The following AGBL4 variants were observed in gnomAD, a reference collection of about 807,000 sequenced individuals.
The protein encoded by AGBL4 is AGBL carboxypeptidase 4.
In AGBL4, 58 loss-of-function variants were observed where a neutral mutation model predicts 66.4. The observed-to-expected ratio is 0.87, with a 90% CI of 0.71 to 1.09. AGBL4 has a LOEUF of 1.09. Among genes scored for constraint, AGBL4 ranks in the 50% least tolerant of loss-of-function variants. AGBL4 has a pLI of 0.00. For synonymous variants in AGBL4, 234 were observed against 222.9 expected (o/e 1.05, Z -0.44); for missense variants, 579 against 631.0 (o/e 0.92, Z 0.88).
intron 9 of AGBL4, among the ~76,000 whole-genome samples, chr1:48,600,312 A>T (rs1645055442): frequency 6.6e-6 from 1 of 152,170 alleles, no homozygotes; most frequent in African/African-American, 2.4e-5. Context: ...TCCTATCTGG[A>T]AGAGCTATGG....
rs146409368 is a variant in AGBL4 at position 48,554,561 on chromosome 1, T to G, written c.1268-14823A>C. ...GCCTAGGAAGTGTGTGATTATAAAC[T>G]TAAATCCCAATCTTTAGGACCCTCA... On this transcript the variant is annotated intron_variant, in intron 11 of 13. Coordinates refer to ENST00000371839, the MANE Select transcript of AGBL4 (RefSeq NM_032785.4). Among the ~76,000 whole-genome samples, 20 of 152,326 alleles carry G rather than the reference T, an allele frequency of 1.3e-4. No individual in the cohort carries two copies. The East Asian group carries it at 3.7e-3, about 28-fold the overall frequency.
chr1:49,023,175 C>T (rs1663377240), intron 5 of AGBL4, among the ~76,000 whole-genome samples: 1 of 152,096 alleles, frequency 6.6e-6, no homozygotes, highest in Non-Finnish European at 1.5e-5. Context: ...GGGCTCAGGC[C>T]ATCTTGGGAG....
At chr1:48,898,307 A>T (rs1476307219) in intron 5 of AGBL4, among the ~76,000 whole-genome samples, 1 of 152,052 alleles carries the variant, frequency 6.6e-6, no homozygotes, top group Non-Finnish European at 1.5e-5. Context: ...TTTTAGCTTA[A>T]TGTAATCTCA....
At position 48,759,479 on chromosome 1, in the gene AGBL4, T is replaced by A. The variant is rs1644138880; in HGVS notation, c.635-96238A>T. 2.1e-5 allele frequency: 24 copies of A among 1,131,544 alleles called. No individual in the cohort carries two copies. In the South Asian group the frequency reaches 3.9e-4, roughly 18 times the overall value. 70.1% of individuals were successfully genotyped at this position (1,131,544 alleles called of 1,614,324 possible). A position where few individuals can be genotyped will look rare whatever the true frequency, so the allele number is the denominator to read the frequency against. ...CATTTTATAAATTTTATAAATGGGG[T>A]TCCGAGTGGGGAAGGGGCTTGCCCA... On this transcript the variant is annotated intron_variant, in intron 6 of 13. Transcript: ENST00000371839.
chr1:49,625,126 C>T (rs1421194008), intron 3 of AGBL4, among the ~76,000 whole-genome samples: 1 of 152,144 alleles, frequency 6.6e-6, no homozygotes, highest in Admixed American at 6.5e-5. Context: ...TTCCACTTCC[C>T]CAGTTGTTCC....
chr1:48,947,770 TAGAG>T (rs1557490428), intron 5 of AGBL4, among the ~76,000 whole-genome samples: 1 of 152,186 alleles, frequency 6.6e-6, no homozygotes, highest in Non-Finnish European at 1.5e-5. Flanking sequence ...TGAGGGCTGA[TAGAG>T]AAACAATCTG....
intron 9 of AGBL4, among the ~76,000 whole-genome samples, chr1:48,615,730 G>A (rs533070884): frequency 1.3e-5 from 2 of 152,230 alleles, no homozygotes; most frequent in East Asian, 1.9e-4. Flanking sequence ...TTCTGCCATC[G>A]GTTACACCGT....
At chr1:48,833,761 T>C (rs573078755) in intron 6 of AGBL4, among the ~76,000 whole-genome samples, 1 of 152,256 alleles carries the variant, frequency 6.6e-6, no homozygotes, top group South Asian at 2.1e-4. Context: ...GAATGAAGCA[T>C]GGTTGTTGGG....
At chr1:49,453,033 T>C (rs888418725) in intron 3 of AGBL4, among the ~76,000 whole-genome samples, 2 of 151,916 alleles carry the variant, frequency 1.3e-5, no homozygotes, top group Non-Finnish European at 2.9e-5. Flanking sequence ...TTGTTATGTG[T>C]GTATCCACAG....
At chr1:48,534,424 A>G (rs1019812911) in intron 13 of AGBL4, 131 bp from the exon 14 acceptor site, 3 of 1,286,222 alleles carry the variant, frequency 2.3e-6, no homozygotes, top group African/African-American at 3.0e-5. Context: ...TCTTCTTCCC[A>G]CAGACACTAA....
intron 3 of AGBL4, among the ~76,000 whole-genome samples, chr1:49,607,895 T>C (rs1645087962): frequency 6.6e-6 from 1 of 152,166 alleles, no homozygotes; most frequent in African/African-American, 2.4e-5. Context: ...AACCCAAATT[T>C]AATCAGCAAT....
chr1:48,950,888 C>T (rs1656922414), intron 5 of AGBL4, among the ~76,000 whole-genome samples: 1 of 152,150 alleles, frequency 6.6e-6, no homozygotes, highest in Non-Finnish European at 1.5e-5. Flanking sequence ...ATCCCCATCC[C>T]CATTATTTTC....
At chr1:49,325,625 C>T (rs1264279303) in intron 3 of AGBL4, among the ~76,000 whole-genome samples, 1 of 152,136 alleles carries the variant, frequency 6.6e-6, no homozygotes, top group African/African-American at 2.4e-5. Flanking sequence ...ATTCAAGAAA[C>T]CATATGTTGA....
At chr1:49,837,075 C>T (rs1645869599) in intron 2 of AGBL4, among the ~76,000 whole-genome samples, 1 of 152,210 alleles carries the variant, frequency 6.6e-6, no homozygotes, top group Admixed American at 6.5e-5. Context: ...TAGCAGAGCT[C>T]AAGCACTGTG....
At chr1:49,932,933 GAAAACCTGTA>G (rs963275910) in intron 1 of AGBL4, among the ~76,000 whole-genome samples, 1 of 152,062 alleles carries the variant, frequency 6.6e-6, no homozygotes, top group Non-Finnish European at 1.5e-5. Context: ...ACACAGGCGG[GAAAACCTGTA>G]TACACATCAT....
chr1:49,142,527 G>A (rs1482392548), intron 4 of AGBL4, among the ~76,000 whole-genome samples: 1 of 152,140 alleles, frequency 6.6e-6, no homozygotes, highest in African/African-American at 2.4e-5. Flanking sequence ...AGAGTAGTAG[G>A]AGAATGACTT....
chr1:49,189,316 G>A (rs539180145), intron 4 of AGBL4, among the ~76,000 whole-genome samples: 4 of 152,208 alleles, frequency 2.6e-5, no homozygotes, highest in Non-Finnish European at 4.4e-5. Flanking sequence ...TGAACACCTC[G>A]TTCCTGGTAC....
intron 5 of AGBL4, among the ~76,000 whole-genome samples, chr1:48,900,860 C>A (rs1652016592): frequency 6.6e-6 from 1 of 151,952 alleles, no homozygotes; most frequent in Non-Finnish European, 1.5e-5. Flanking sequence ...AAAGCATGAT[C>A]CATAAAAGAG....
intron 6 of AGBL4, among the ~76,000 whole-genome samples, chr1:48,798,451 T>C (rs1386402027): frequency 6.6e-6 from 1 of 152,230 alleles, no homozygotes; most frequent in East Asian, 1.9e-4. Flanking sequence ...GCTGATTATT[T>C]CTTTTGCTGT....
Sources: gnomAD v4.1 joint callset for allele counts (sites outside exome capture counted in the v4.1 genomes callset) on GRCh38, gnomAD v4.1.1 for gene constraint, MANE v1.5 for transcripts, NCBI Gene and HGNC (gene_info 2026-07-23, HGNC 2026-07-21) for gene names.